SOX5: variants seen among roughly 807,000 people sequenced by gnomAD.
SOX5 encodes transcription factor SOX-5.
In SOX5, 9 loss-of-function variants were observed where a neutral mutation model predicts 92.0. The ratio of observed to expected loss-of-function variants is 0.10; its 90% CI spans 0.06 to 0.17. The LOEUF (loss-of-function observed/expected upper bound fraction) is 0.17. SOX5 is among the 10% of genes least tolerant of loss of function. SOX5 has a pLI of 1.00. For missense variants in SOX5, 642 were observed against 944.5 expected, an observed-to-expected ratio of 0.68 and a Z score of 4.20; for synonymous variants, 344 against 336.3, an observed-to-expected ratio of 1.02 and a Z score of -0.25.
chr12:24,182,850 A>G (rs1565606606), intron 4 of SOX5, among the ~76,000 whole-genome samples: 1 of 152,142 alleles, frequency 6.6e-6, no homozygotes, highest in East Asian at 1.9e-4. Flanking sequence ...AATAGCTGGA[A>G]TTACAGGTGC....
At chr12:23,758,247 G>A (rs1310892019) in intron 3 of SOX5, among the ~76,000 whole-genome samples, 1 of 151,808 alleles carries the variant, frequency 6.6e-6, no homozygotes, top group Admixed American at 6.6e-5. Flanking sequence ...TCATTTAATG[G>A]TAATAACCAA....
chr12:23,759,179 G>A (rs2141295225), intron 3 of SOX5, among the ~76,000 whole-genome samples: 1 of 152,100 alleles, frequency 6.6e-6, no homozygotes, highest in African/African-American at 2.4e-5. Flanking sequence ...TAACACATAT[G>A]TATGAGCAGC....
chr12:23,973,799 C>G (rs1377820314), intron 4 of SOX5, among the ~76,000 whole-genome samples: 1 of 152,114 alleles, frequency 6.6e-6, no homozygotes, highest in Non-Finnish European at 1.5e-5. Flanking sequence ...GTCAGATCAG[C>G]GGAGGCATTA....
intron 6 of SOX5, among the ~76,000 whole-genome samples, chr12:23,727,579 G>C (rs1363501143): frequency 1.3e-5 from 2 of 152,060 alleles, no homozygotes; most frequent in African/African-American, 4.8e-5. Context: ...AACAAGAAAA[G>C]GGGTTGTAAG....
At chr12:23,773,964 T>C (rs1335588123) in intron 3 of SOX5, among the ~76,000 whole-genome samples, 1 of 151,172 alleles carries the variant, frequency 6.6e-6, no homozygotes, top group African/African-American at 2.4e-5. Flanking sequence ...TTTGGTTCTG[T>C]TCTTTATTGA....
chr12:23,667,775 A>C (rs2084059442), intron 6 of SOX5, among the ~76,000 whole-genome samples: 1 of 152,206 alleles, frequency 6.6e-6, no homozygotes, highest in African/African-American at 2.4e-5. Context: ...ATTGGTTTTT[A>C]TTAGACCATC....
At chr12:23,706,133 T>C (rs966357164) in intron 6 of SOX5, among the ~76,000 whole-genome samples, 1 of 152,028 alleles carries the variant, frequency 6.6e-6, no homozygotes, top group African/African-American at 2.4e-5. Flanking sequence ...TAATCCCTTG[T>C]GTAACTGTTT....
At chr12:23,590,949 T>G (rs1467293173) in intron 9 of SOX5, among the ~76,000 whole-genome samples, 1 of 152,108 alleles carries the variant, frequency 6.6e-6, no homozygotes, top group Non-Finnish European at 1.5e-5. Flanking sequence ...AGATAACTCA[T>G]TTATGACAAG....
chr12:23,609,182 G>T (rs776957360), intron 8 of SOX5, among the ~76,000 whole-genome samples: 1 of 152,172 alleles, frequency 6.6e-6, no homozygotes, highest in Non-Finnish European at 1.5e-5. Flanking sequence ...GTGGAACAGT[G>T]AGTGGTAGAA....
At chr12:24,376,004 CTTCAAT>C (rs1957226940) in intron 1 of SOX5, among the ~76,000 whole-genome samples, 2 of 152,102 alleles carry the variant, frequency 1.3e-5, no homozygotes, top group Non-Finnish European at 2.9e-5. Flanking sequence ...GAACCAAGCA[CTTCAAT>C]TTCCTAAGAT....
At chr12:23,882,836 A>G (rs1210102760) in intron 2 of SOX5, among the ~76,000 whole-genome samples, 2 of 152,136 alleles carry the variant, frequency 1.3e-5, no homozygotes, top group African/African-American at 2.4e-5. Flanking sequence ...GAATTCATCC[A>G]TTAAACTACC....
intron 2 of SOX5, among the ~76,000 whole-genome samples, chr12:24,306,645 T>C (rs199528883): frequency 1.8e-3 from 281 of 152,248 alleles, no homozygotes; most frequent in African/African-American, 6.5e-3. Context: ...AGGCCACTTC[T>C]GGGGGCTCAA....
chr12:24,398,937 T>G (rs1960784696), intron 1 of SOX5, among the ~76,000 whole-genome samples: 1 of 151,422 alleles, frequency 6.6e-6, no homozygotes, highest in East Asian at 1.9e-4. Context: ...CTCCAGGGAG[T>G]TGCCAAGGTG....
At chr12:24,425,158 G>A (rs909057572) in intron 1 of SOX5, among the ~76,000 whole-genome samples, 1 of 152,210 alleles carries the variant, frequency 6.6e-6, no homozygotes, top group Non-Finnish European at 1.5e-5. Flanking sequence ...TCAAAGGGCT[G>A]TGGTTTGGAA....
At chr12:24,076,921 CT>C (rs2137537233) in intron 4 of SOX5, among the ~76,000 whole-genome samples, 1 of 152,074 alleles carries the variant, frequency 6.6e-6, no homozygotes, top group Admixed American at 6.6e-5. Context: ...TACAGTATTC[CT>C]TAAGAATCAG....
chr12:23,665,691 T>A (rs1458838374), intron 6 of SOX5, 127 bp from the exon 7 acceptor site: 1 of 1,057,088 alleles, frequency 9.5e-7, no homozygotes, highest in Non-Finnish European at 1.3e-6. Context: ...AGAAGCTTGC[T>A]GGGATACTGG....
intron 2 of SOX5, among the ~76,000 whole-genome samples, chr12:23,889,161 AAATTCTC>A (rs1313777140): frequency 1.3e-5 from 2 of 152,230 alleles, no homozygotes; most frequent in Admixed American, 6.5e-5. Context: ...CTAAACAATG[AAATTCTC>A]ATTATTAGAA....
intron 7 of SOX5, among the ~76,000 whole-genome samples, chr12:23,653,045 T>TGGAC (rs1463513817): frequency 1.5e-4 from 23 of 150,978 alleles, no homozygotes; most frequent in Non-Finnish European, 2.1e-4. Flanking sequence ...GATGGATGGA[T>TGGAC]GGATGGATGG....
At chr12:23,820,069 T>C (rs561866419) in intron 3 of SOX5, among the ~76,000 whole-genome samples, 1 of 152,320 alleles carries the variant, frequency 6.6e-6, no homozygotes, top group East Asian at 1.9e-4. Context: ...CGTTCCTATT[T>C]CTCCACATCC....
Sources: gnomAD v4.1 joint callset for allele counts (sites outside exome capture counted in the v4.1 genomes callset) on GRCh38, gnomAD v4.1.1 for gene constraint, MANE v1.5 for transcripts, NCBI Gene and HGNC (gene_info 2026-07-23, HGNC 2026-07-21) for gene names.